Variants in GPC5 observed in about 807,000 individuals in gnomAD.
GPC5 encodes glypican-5.
A neutral mutation model predicts 53.9 loss-of-function variants in GPC5; 47 were observed. That is an observed-to-expected ratio of 0.87 (90% CI 0.69 to 1.11). The LOEUF (loss-of-function observed/expected upper bound fraction) is 1.11. Ranked by LOEUF, GPC5 falls within the 50% of genes most tolerant of loss-of-function variation. GPC5 has a pLI of 0.00. For missense variants in GPC5, 748 were observed against 713.1 expected, an observed-to-expected ratio of 1.05 and a Z score of -0.56; for synonymous variants, 286 against 263.3, an observed-to-expected ratio of 1.09 and a Z score of -0.84.
chr13:92,422,959 G>T (rs1452673877), intron 7 of GPC5, among the ~76,000 whole-genome samples: 2 of 152,144 alleles, frequency 1.3e-5, no homozygotes, highest in Non-Finnish European at 2.9e-5. Context: ...TTAACAAAAT[G>T]TTGCAGACTA....
intron 6 of GPC5, among the ~76,000 whole-genome samples, chr13:91,946,029 G>A (rs866012162): frequency 6.6e-6 from 1 of 152,002 alleles, no homozygotes; most frequent in Non-Finnish European, 1.5e-5. Context: ...GGTCGGGGGC[G>A]GGGGCTTCTA....
At chr13:92,670,237 C>G (rs1159299837) in intron 7 of GPC5, among the ~76,000 whole-genome samples, 1 of 152,028 alleles carries the variant, frequency 6.6e-6, no homozygotes, top group East Asian at 1.9e-4. Flanking sequence ...AAATTGGGAG[C>G]CAGAAAGCTA....
intron 7 of GPC5, among the ~76,000 whole-genome samples, chr13:92,759,180 A>T (rs1057236474): frequency 1.3e-5 from 2 of 150,610 alleles, no homozygotes; most frequent in Non-Finnish European, 2.9e-5. Flanking sequence ...TTAAATCAGT[A>T]AGGGTAATAC....
At chr13:92,865,504 T>C (rs1305644402) in intron 7 of GPC5, among the ~76,000 whole-genome samples, 2 of 152,020 alleles carry the variant, frequency 1.3e-5, no homozygotes, top group Non-Finnish European at 2.9e-5. Flanking sequence ...GGGATGGATG[T>C]GGGGAAGGGA....
intron 6 of GPC5, among the ~76,000 whole-genome samples, chr13:91,994,326 C>T (rs190371923): frequency 1.4e-4 from 21 of 152,334 alleles, no homozygotes; most frequent in Non-Finnish European, 1.2e-4. Context: ...TGACACGTTA[C>T]TACTGCATCA....
At chr13:91,820,178 T>C (rs1298416710) in intron 5 of GPC5, among the ~76,000 whole-genome samples, 4 of 152,172 alleles carry the variant, frequency 2.6e-5, no homozygotes, top group African/African-American at 9.6e-5. Context: ...TCTTACATTA[T>C]GGTTTGCATT....
chr13:91,600,652 A>G (rs2033153216), intron 2 of GPC5, among the ~76,000 whole-genome samples: 1 of 152,108 alleles, frequency 6.6e-6, no homozygotes, highest in South Asian at 2.1e-4. Context: ...TCTGTCGCCC[A>G]GGCTGGAGTG....
At chr13:91,458,968 C>G (rs1402638563) in intron 2 of GPC5, among the ~76,000 whole-genome samples, 2 of 151,934 alleles carry the variant, frequency 1.3e-5, no homozygotes, top group African/African-American at 2.4e-5. Context: ...AATCAAAAAC[C>G]AAACATCGTA....
intron 7 of GPC5, among the ~76,000 whole-genome samples, chr13:92,693,303 T>A (rs1265496751): frequency 6.6e-6 from 1 of 152,074 alleles, no homozygotes; most frequent in African/African-American, 2.4e-5. Context: ...TGGAACTGGG[T>A]AATGGACAGA....
At chr13:92,319,453 A>C (rs1020006054) in intron 7 of GPC5, among the ~76,000 whole-genome samples, 26 of 151,414 alleles carry the variant, frequency 1.7e-4, no homozygotes, top group Non-Finnish European at 3.5e-4. Flanking sequence ...AGAAAATATG[A>C]ATTAAGATGG....
chr13:92,495,855 A>G (rs1879958453), intron 7 of GPC5, among the ~76,000 whole-genome samples: 1 of 151,978 alleles, frequency 6.6e-6, no homozygotes, highest in Non-Finnish European at 1.5e-5. Context: ...ATTTCTCTTC[A>G]GGTCCATTCG....
chr13:91,912,736 CA>C (rs2039621743), intron 6 of GPC5, among the ~76,000 whole-genome samples: 2 of 112,642 alleles, frequency 1.8e-5, no homozygotes, highest in South Asian at 7.9e-4. Context: ...AGGTTGTGAC[CA>C]GTTTTTTATG....
At chr13:91,809,358 A>G (rs2038273989) in intron 5 of GPC5, among the ~76,000 whole-genome samples, 1 of 152,168 alleles carries the variant, frequency 6.6e-6, no homozygotes, top group Non-Finnish European at 1.5e-5. Context: ...CTATCCTGTA[A>G]CTGACAACCA....
chr13:92,580,443 A>G (rs1167923918), intron 7 of GPC5, among the ~76,000 whole-genome samples: 1 of 152,218 alleles, frequency 6.6e-6, no homozygotes, highest in African/African-American at 2.4e-5. Context: ...AACACAATTG[A>G]ACATGAAAAA....
chr13:92,396,680 G>A (rs1304348754), intron 7 of GPC5, among the ~76,000 whole-genome samples: 6 of 152,126 alleles, frequency 3.9e-5, no homozygotes, highest in Non-Finnish European at 8.8e-5. Context: ...AATTTTGATA[G>A]TTACCTTGAC....
Position 92,840,599 on chromosome 13 carries a change from C to T in GPC5, c.1562-25683C>T, listed in dbSNP as rs138927990. Among the ~76,000 whole-genome samples, 449 of 151,968 alleles carry T rather than the reference C, an allele frequency of 3.0e-3. 3 individuals carry two copies. Among genetic ancestry groups the T allele is most frequent in the African/African-American group, 1.0e-2 (413 of 41,464 alleles). ...GCTACTTTGGAGTCCCTGAAGAATC[C>T]CTATGAGTTTTAGAATGAATTTTTC... On this transcript the variant is annotated intron_variant, in intron 7 of 7. Coordinates refer to ENST00000377067, the MANE Select transcript of GPC5 (RefSeq NM_004466.6).
intron 7 of GPC5, among the ~76,000 whole-genome samples, chr13:92,697,333 C>G (rs547984151): frequency 6.6e-6 from 1 of 152,054 alleles, no homozygotes; most frequent in Non-Finnish European, 1.5e-5. Context: ...TCCATGAGCA[C>G]GGAATGTTTT....
intron 7 of GPC5, among the ~76,000 whole-genome samples, chr13:92,223,579 A>G (rs1015383886): frequency 6.6e-6 from 1 of 152,056 alleles, no homozygotes; most frequent in African/African-American, 2.4e-5. Context: ...AGTATGTTTC[A>G]AGTGATCAGC....
chr13:91,513,812 C>G (rs1885360309), intron 2 of GPC5, among the ~76,000 whole-genome samples: 1 of 152,236 alleles, frequency 6.6e-6, no homozygotes, highest in Middle Eastern at 3.4e-3. Flanking sequence ...ATGACCATAC[C>G]CATCTCCTTC....
Sources: gnomAD v4.1 joint callset for allele counts (sites outside exome capture counted in the v4.1 genomes callset) on GRCh38, gnomAD v4.1.1 for gene constraint, MANE v1.5 for transcripts, NCBI Gene and HGNC (gene_info 2026-07-23, HGNC 2026-07-21) for gene names.